The following ASGR2 variants were observed in gnomAD, a reference collection of about 807,000 sequenced individuals.
ASGR2 encodes the protein C-type lectin domain family 4 member H2.
ASGR2 carries 34 observed loss-of-function variants against 32.3 expected under a neutral mutation model. The ratio of observed to expected loss-of-function variants is 1.05; its 90% CI spans 0.80 to 1.40. ASGR2 has a LOEUF of 1.40. Ranked by LOEUF, ASGR2 falls within the 40% of genes most tolerant of loss-of-function variation. ASGR2 has a pLI of 0.00. For synonymous variants in ASGR2, 143 were observed against 150.0 expected (o/e 0.95, Z 0.34); for missense variants, 385 against 386.4 (o/e 1.00, Z 0.03).
chr17:7,114,570 G>A lies in ASGR2; in HGVS notation c.-71+45C>T, dbSNP rs954378255. ...CCCATCCCTGAACCAAGGCCTCCTT[G>A]TTCCCAAGCATCCTCGTCCCAGTTG... On this transcript the variant is annotated intron_variant, in intron 1 of 8. Coordinates refer to ENST00000691900, the MANE Select transcript of ASGR2 (RefSeq NM_001201352.2). This position sits in a 1 kb window ranked among gnomAD's most constrained non-coding sequence, Gnocchi z 4.5. 3 of 1,108,498 alleles carry A rather than the reference G, an allele frequency of 2.7e-6. No individual in the cohort carries two copies. The highest frequency in any genetic ancestry group is 3.3e-5 in the African/African-American group (2 of 61,514). 68.7% of individuals were successfully genotyped at this position (1,108,498 alleles called of 1,614,324 possible). A position where few individuals can be genotyped will look rare whatever the true frequency, so the allele number is the denominator to read the frequency against.
chr17:7,108,931 G>C lies in ASGR2; in HGVS notation c.125-43C>G. ...CAGGAGCCGGCAGCCTGGGTGTGGG[G>C]AGCCGGAGGGTAAAGACAGGGCACC... On this transcript the variant is annotated intron_variant, in intron 2 of 8. Transcript: ENST00000691900. This position sits in a 1 kb window ranked among gnomAD's most constrained non-coding sequence, Gnocchi z 4.9. 2 of 1,519,372 alleles carry C rather than the reference G, an allele frequency of 1.3e-6. No homozygotes were observed. The highest frequency in any genetic ancestry group is 1.8e-6 in the Non-Finnish European group (2 of 1,129,208). 94.1% of individuals were successfully genotyped at this position (1,519,372 alleles called of 1,614,324 possible). A position where few individuals can be genotyped will look rare whatever the true frequency, so the allele number is the denominator to read the frequency against.
Position 7,107,428 on chromosome 17 carries a change from AC to A in ASGR2, c.410-112del. 2 of 1,040,400 alleles carry A rather than the reference AC, an allele frequency of 1.9e-6. No homozygotes were observed. The highest frequency in any genetic ancestry group is 1.4e-6 in the Non-Finnish European group (1 of 698,972). The allele number at this position is 1,040,400 out of a possible 1,614,324, so 64.4% of individuals were successfully genotyped here. On this transcript the variant is annotated intron_variant, in intron 5 of 8. Coordinates refer to ENST00000691900, the MANE Select transcript of ASGR2 (RefSeq NM_001201352.2). This position sits in a 1 kb window ranked among gnomAD's most constrained non-coding sequence, Gnocchi z 5.0. ...CCACAGACACGTACACCATGCATAGACCACACCACACACCATACCACACACA... is the reference window on the plus strand; with the variant it reads ...CCACAGACACGTACACCATGCATAGACACACCACACACCATACCACACACA...
Position 7,113,439 on chromosome 17 carries a change from C to T in ASGR2, c.124+678G>A, listed in dbSNP as rs1720354590. ...ATACACACACGCACAACATACACAA[C>T]ACTCACACAACACACAAACATACAT... On this transcript the variant is annotated intron_variant, in intron 2 of 8. Coordinates refer to ENST00000691900, the MANE Select transcript of ASGR2 (RefSeq NM_001201352.2). This position sits in a 1 kb window ranked among gnomAD's most constrained non-coding sequence, Gnocchi z 5.1. Among the ~76,000 whole-genome samples, 1 of 145,662 alleles carries T rather than the reference C, an allele frequency of 6.9e-6. No homozygotes were observed. The highest frequency in any genetic ancestry group is 1.5e-5 in the Non-Finnish European group (1 of 66,382).
intron 7 of ASGR2, among the ~76,000 whole-genome samples, chr17:7,105,875 G>A (rs926531977): frequency 2.7e-5 from 4 of 149,956 alleles, no homozygotes; most frequent in Non-Finnish European, 5.9e-5. Flanking sequence ...CACAACCTCT[G>A]CCTCCCGGGT....
At chr17:7,109,748 A>C (rs1914384476) in intron 2 of ASGR2, among the ~76,000 whole-genome samples, 2 of 151,628 alleles carry the variant, frequency 1.3e-5, no homozygotes, top group Non-Finnish European at 2.9e-5. Context: ...ATTTGCACAC[A>C]CTCATGACCA....
chr17:7,112,099 GA>G (rs1347885633), intron 2 of ASGR2, among the ~76,000 whole-genome samples: 6 of 141,050 alleles, frequency 4.3e-5, no homozygotes, highest in Non-Finnish European at 9.3e-5. Flanking sequence ...AGGGGAAGGG[GA>G]AAATTTTAGT....
Position 7,107,859 on chromosome 17 carries a change from T to C in ASGR2, c.386A>G (p.Lys129Arg), listed in dbSNP as rs756831533. 1 of 1,613,254 alleles carries C rather than the reference T, an allele frequency of 6.2e-7. No individual in the cohort carries two copies. The highest frequency in any genetic ancestry group is 1.3e-5 in the African/African-American group (1 of 74,964). The change falls in exon 5 of 9, where the codon AAA (lysine) becomes AGA (arginine). Residue 129 changes from lysine (K) to arginine (R), a missense_variant. Coordinates refer to ENST00000691900, the MANE Select transcript of ASGR2 (RefSeq NM_001201352.2). The surrounding 1 kb of genome is among the most constrained non-coding windows in gnomAD (Gnocchi z 5.0). ...KITSLGAKLE[K>R]QQQDLKADHD... is the part of the protein sequence containing the mutation. ...ACCTGCTTTCAGGTCCTGCTGCTGT[T>C]TCTCCAGCTTGGCTCCTAGGGATGT...
At chr17:7,109,006 G>GT in intron 2 of ASGR2, 118 bp from the exon 3 acceptor site, 1 of 944,004 alleles carries the variant, frequency 1.1e-6, no homozygotes. Context: ...GGGGCCATGG[G>GT]GGGGGGTCAT....
In ASGR2 at chr17:7,114,523, C is replaced by T. The variant is rs1597400662; in HGVS notation, c.-71+92G>A. 6.5e-6 allele frequency: 8 copies of T among 1,229,580 alleles called. No individual in the cohort carries two copies. In the South Asian group the frequency reaches 1.7e-4, roughly 26 times the overall value. 76.2% of individuals were successfully genotyped at this position (1,229,580 alleles called of 1,614,324 possible). ...CCCCACGCTCATGGACCCGACCACC[C>T]ACAGCTTCCCATGGGGTCCTCCCCA... On this transcript the variant is annotated intron_variant, in intron 1 of 8. Coordinates refer to ENST00000691900, the MANE Select transcript of ASGR2 (RefSeq NM_001201352.2). The surrounding 1 kb of genome is among the most constrained non-coding windows in gnomAD (Gnocchi z 4.5).
At position 7,107,149 on chromosome 17, in the gene ASGR2, A is replaced by C. The variant is rs774104475; in HGVS notation, c.499T>G (p.Ser167Ala). 1 of 1,614,088 alleles carries C rather than the reference A, an allele frequency of 6.2e-7. No individual in the cohort carries two copies. Among genetic ancestry groups the C allele is most frequent in the South Asian group, 1.1e-5 (1 of 91,080 alleles). ...TTGACGGGGCAGCAGGTCCTTTGGG[A>C]GCCTGAGGGGACAGGGGGCAGGGAG... Reference protein sequence around the residue: ...CQMELLHSNGSQRTCCPVNWV... With the variant: ...CQMELLHSNGAQRTCCPVNWV... The change falls in exon 7 of 9, where the codon TCC (serine) becomes GCC (alanine). Residue 167 changes from serine (S) to alanine (A), a missense_variant and splice_region_variant. Physicochemically the swap from Ser to Ala is moderately conservative, Grantham distance 99. Transcript: ENST00000691900. The surrounding 1 kb of genome is among the most constrained non-coding windows in gnomAD (Gnocchi z 5.0).
chr17:7,106,907 A>AT (rs1336163760), intron 7 of ASGR2, 93 bp downstream of exon 7: 1 of 1,459,844 alleles, frequency 6.9e-7, no homozygotes, highest in Admixed American at 2.4e-5. Flanking sequence ...CCATCTCAAA[A>AT]AAAAAAAAAA....
At position 7,107,987 on chromosome 17, in the gene ASGR2, C is replaced by T. The variant is rs1480274604; in HGVS notation, c.338-80G>A. 3.3e-6 allele frequency: 5 copies of T among 1,530,694 alleles called. No homozygotes were observed. The highest frequency in any genetic ancestry group is 2.0e-4 in the Middle Eastern group (1 of 5,008). The allele number at this position is 1,530,694 out of a possible 1,614,324, so 94.8% of individuals were successfully genotyped here. A position where few individuals can be genotyped will look rare whatever the true frequency, so the allele number is the denominator to read the frequency against. ...GCTGGGGGACCGGGGGCCAGCGCCT[C>T]GTCCTGGGCGATGCAGGCGTCCACC... On this transcript the variant is annotated intron_variant, in intron 4 of 8. Coordinates refer to ENST00000691900, the MANE Select transcript of ASGR2 (RefSeq NM_001201352.2). The surrounding 1 kb of genome is among the most constrained non-coding windows in gnomAD (Gnocchi z 5.0).
chr17:7,112,099 G>C (rs1274257929), intron 2 of ASGR2, among the ~76,000 whole-genome samples: 1 of 141,048 alleles, frequency 7.1e-6, no homozygotes, highest in Non-Finnish European at 1.6e-5. Context: ...AGGGGAAGGG[G>C]AAAATTTTAG....
At chr17:7,105,856 T>C (rs1913603504) in intron 7 of ASGR2, among the ~76,000 whole-genome samples, 3 of 151,098 alleles carry the variant, frequency 2.0e-5, no homozygotes. Context: ...TGGCGCAGTC[T>C]CAGCTCACCA....
intron 8 of ASGR2, 123 bp downstream of exon 8, chr17:7,101,967 T>G (rs1473081296): frequency 8.8e-7 from 1 of 1,136,474 alleles, no homozygotes; most frequent in East Asian, 2.4e-5. Context: ...GGGGTTGGAG[T>G]CTGGGGAGGA....
At chr17:7,115,071 C>T, upstream of ASGR2, 2 of 917,110 alleles carry the variant, frequency 2.2e-6, no homozygotes, top group Non-Finnish European at 2.6e-6. This position sits in a 1 kb window ranked among gnomAD's most constrained non-coding sequence, Gnocchi z 4.2. Context: ...GTGGGTGTCT[C>T]CAAATATCCC....
rs534976749 is a variant in ASGR2, at chr17:7,111,131, C to A, written c.125-2243G>T. Among the ~76,000 whole-genome samples the A allele has an allele frequency of 2.0e-5, 3 of 152,130 alleles. No individual in the cohort carries two copies. The East Asian group carries it at 5.8e-4, about 29-fold the overall frequency. On this transcript the variant is annotated intron_variant, in intron 2 of 8. Transcript: ENST00000691900. ...AAATTGACAATGTCTGGCAGCCAAT[C>A]AAAGATTACAAGGCATGCAATGAAA...
At position 7,101,375 on chromosome 17, in the gene ASGR2, A is replaced by C; in HGVS notation, c.*200T>G. The C allele has an allele frequency of 3.3e-6, 2 of 609,088 alleles. No homozygotes were observed. Among genetic ancestry groups the C allele is most frequent in the Non-Finnish European group, 5.5e-6 (2 of 365,966 alleles). 37.7% of individuals were successfully genotyped at this position (609,088 alleles called of 1,614,324 possible). A position where few individuals can be genotyped will look rare whatever the true frequency, so the allele number is the denominator to read the frequency against. On this transcript the variant is annotated 3_prime_UTR_variant, in exon 9 of 9. Transcript: ENST00000691900. ...TACGCCATTGAAGAGGCTGACGATTATAATAATTACAATGAATTACAGAAG... is the reference window on the plus strand; with the variant it reads ...TACGCCATTGAAGAGGCTGACGATTCTAATAATTACAATGAATTACAGAAG...
At chr17:7,104,245 G>T (rs1913281470) in intron 7 of ASGR2, among the ~76,000 whole-genome samples, 1 of 151,468 alleles carries the variant, frequency 6.6e-6, no homozygotes, top group African/African-American at 2.4e-5. Context: ...CTACTTGGGA[G>T]GCTGAGGCAG....
Sources: allele counts gnomAD v4.1 joint callset (sites outside exome capture counted in the v4.1 genomes callset), GRCh38; gene constraint gnomAD v4.1.1; non-coding constraint Gnocchi (gnomAD v3.1); transcripts MANE v1.5; gene names NCBI Gene and HGNC (gene_info 2026-07-23, HGNC 2026-07-21).